ZNF415: variants seen among roughly 807,000 people sequenced by gnomAD.
ZNF415 encodes zinc finger protein 415.
A neutral mutation model predicts 7.3 loss-of-function variants in ZNF415; 5 were observed. That is an observed-to-expected ratio of 0.69 (90% CI 0.36 to 1.44). The LOEUF (loss-of-function observed/expected upper bound fraction) is 1.44. ZNF415 is among the 40% of genes most tolerant of loss of function. ZNF415 has a pLI of 0.04. For missense variants in ZNF415, 628 were observed against 664.8 expected (o/e 0.94, Z 0.61); for synonymous variants, 207 against 226.3 (o/e 0.91, Z 0.77).
chr19:53,108,167 T>C lies in ZNF415; in HGVS notation c.*210A>G, dbSNP rs1183389649. On this transcript the variant is annotated 3_prime_UTR_variant, in exon 4 of 4. Coordinates refer to ENST00000243643, the MANE Select transcript of ZNF415 (RefSeq NM_018355.4). The stretch of plus-strand genomic sequence containing the variant: ...AGGTGTATATGATTTCTCTTTAGCA[T>C]GGACTCTGATGTCAATGAATGCTTG... 5.2e-6 allele frequency: 3 copies of C among 577,248 alleles called. No individual in the cohort carries two copies. The highest frequency in any genetic ancestry group is 9.0e-6 in the Non-Finnish European group (3 of 334,950). The allele number at this position is 577,248 out of a possible 1,614,324, so 35.8% of individuals were successfully genotyped here.
At chr19:53,132,315 G>A (rs900595239) in intron 1 of ZNF415, among the ~76,000 whole-genome samples, 1 of 152,184 alleles carries the variant, frequency 6.6e-6, no homozygotes, top group Admixed American at 6.5e-5. Flanking sequence ...TCCACGGGGT[G>A]GAGGAGGGCA....
rs1292748622 is a variant in ZNF415 at position 53,108,951 on chromosome 19, A to G, written c.1094T>C (p.Phe365Ser). 1 of 1,614,144 alleles carries G rather than the reference A, an allele frequency of 6.2e-7. No homozygotes were observed. The highest frequency in any genetic ancestry group is 1.1e-5 in the South Asian group (1 of 91,068). Reference sequence around the variant, plus strand: ...AGTTGCAAGGCTTGAAGTCTGACTGAACACCTTGCCACATTCATTGCATTT... The same window carrying G: ...AGTTGCAAGGCTTGAAGTCTGACTGGACACCTTGCCACATTCATTGCATTT... The part of the protein sequence containing the change: ...PYKCNECGKV[F>S]SQTSSLATHQ... The change falls in exon 4 of 4, where the codon TTC (phenylalanine) becomes TCC (serine). Residue 365 changes from phenylalanine (F) to serine (S), a missense_variant. Transcript: ENST00000243643.
chr19:53,128,343 G>A (rs2089544976), intron 1 of ZNF415, among the ~76,000 whole-genome samples: 1 of 147,074 alleles, frequency 6.8e-6, no homozygotes, highest in Non-Finnish European at 1.5e-5. Flanking sequence ...AGATTGGCTG[G>A]ACTGAGCTGA....
chr19:53,125,181 T>C (rs1234179517), intron 1 of ZNF415, among the ~76,000 whole-genome samples: 1 of 151,742 alleles, frequency 6.6e-6, no homozygotes, highest in African/African-American at 2.4e-5. Context: ...GTAGCTGGGA[T>C]TACAGGCACA....
At chr19:53,124,675 G>A (rs2088733791) in intron 1 of ZNF415, among the ~76,000 whole-genome samples, 2 of 152,192 alleles carry the variant, frequency 1.3e-5, no homozygotes, top group South Asian at 2.1e-4. Flanking sequence ...AGCAGGAACA[G>A]ACCATTCCCA....
Position 53,109,766 on chromosome 19 carries a change from T to C in ZNF415, c.279A>G (p.Ile93Met). The change falls in exon 4 of 4, where the codon ATA (isoleucine) becomes ATG (methionine). Residue 93 changes from isoleucine to methionine, a missense_variant. Physicochemically the swap from Ile to Met is conservative, Grantham distance 10. Coordinates refer to ENST00000243643, the MANE Select transcript of ZNF415 (RefSeq NM_018355.4). ...CTCTCCACTGACAGTCAAAGTCGTG[T>C]ATTTTTTTCTTGATTTCCCTGAAGC... ...EFCFREIKKK[I>M]HDFDCQWRDD... 6.2e-7 allele frequency: 1 copy of C among 1,614,104 alleles called. No homozygotes were observed.
chr19:53,117,495 A>T (rs1187652173), intron 2 of ZNF415, among the ~76,000 whole-genome samples: 1 of 151,984 alleles, frequency 6.6e-6, no homozygotes, highest in African/African-American at 2.4e-5. Context: ...AGAGAAAAGC[A>T]TCTAGTCACT....
intron 1 of ZNF415, among the ~76,000 whole-genome samples, chr19:53,132,157 A>G (rs971110386): frequency 6.6e-6 from 1 of 151,722 alleles, no homozygotes; most frequent in Non-Finnish European, 1.5e-5. Context: ...ATCTCTAACC[A>G]TCCTCTACTT....
chr19:53,123,449 G>A (rs2088485913), intron 1 of ZNF415: 7 of 397,886 alleles, frequency 1.8e-5, no homozygotes, highest in South Asian at 1.3e-4. Context: ...AGAAGTCCCC[G>A]CTGAGAAGGT....
At chr19:53,118,077 T>C (rs2087347553) in intron 2 of ZNF415, among the ~76,000 whole-genome samples, 1 of 151,972 alleles carries the variant, frequency 6.6e-6, no homozygotes. Context: ...CATGTCAATG[T>C]AAAGACACAA....
intron 1 of ZNF415, chr19:53,123,665 C>T (rs999581724): frequency 1.3e-5 from 5 of 398,534 alleles, no homozygotes; most frequent in Non-Finnish European, 2.2e-5. Flanking sequence ...CCTGGGAGGG[C>T]AGATCAGGCA....
rs1388615361 is a variant in ZNF415 at position 53,132,880 on chromosome 19, A to G, written c.-92T>C. 6.6e-6 allele frequency: 1 copy of G among 152,162 alleles called. No homozygotes were observed. The highest frequency in any genetic ancestry group is 1.5e-5 in the Non-Finnish European group (1 of 68,084). 9.4% of individuals were successfully genotyped at this position (152,162 alleles called of 1,614,324 possible). A position where few individuals can be genotyped will look rare whatever the true frequency, so the allele number is the denominator to read the frequency against. ...CGCTCGACGCCGTCACCTTCACCCA[A>G]CGCGATCCGTTTCCGGGCCTGTAGG... On this transcript the variant is annotated 5_prime_UTR_variant, in exon 1 of 4. Coordinates refer to ENST00000243643, the MANE Select transcript of ZNF415 (RefSeq NM_018355.4).
Position 53,108,050 on chromosome 19 carries a change from T to C in ZNF415, c.*327A>G, listed in dbSNP as rs2146166720. On this transcript the variant is annotated 3_prime_UTR_variant, in exon 4 of 4. Transcript: ENST00000243643. ...TGTTACAGTTTTGATCCTTGGTTAA[T>C]AGCTTCAACATGCACAAAATATACA... The C allele has an allele frequency of 3.7e-6, 1 of 270,108 alleles. No individual in the cohort carries two copies. The highest frequency in any genetic ancestry group is 7.8e-5 in the South Asian group (1 of 12,774). The allele number at this position is 270,108 out of a possible 1,614,324, so 16.7% of individuals were successfully genotyped here.
chr19:53,124,934 A>T (rs1455407421), intron 1 of ZNF415, among the ~76,000 whole-genome samples: 1 of 152,162 alleles, frequency 6.6e-6, no homozygotes, highest in Non-Finnish European at 1.5e-5. Context: ...GGTCAGCTAC[A>T]CAGGGACAGA....
rs754268381 is a variant in ZNF415 at position 53,108,361 on chromosome 19, T to A, written c.*16A>T. 1.4e-5 allele frequency: 22 copies of A among 1,580,222 alleles called. No individual in the cohort carries two copies. The highest frequency in any genetic ancestry group is 1.9e-5 in the Non-Finnish European group (22 of 1,164,874). On this transcript the variant is annotated 3_prime_UTR_variant, in exon 4 of 4. Coordinates refer to ENST00000243643, the MANE Select transcript of ZNF415 (RefSeq NM_018355.4). ...TGACTCACAGGATTTAAACTTTGAC[T>A]GAAGACCTTGCCATATTAATTTCTT...
intron 3 of ZNF415, among the ~76,000 whole-genome samples, chr19:53,115,038 A>G (rs75976737): frequency 0.012 from 1,820 of 152,208 alleles, 32 homozygotes; most frequent in African/African-American, 0.041. Context: ...AGGTGGCATC[A>G]AGAACAGGAG....
rs1288765898 is a variant in ZNF415 at position 53,109,520 on chromosome 19, A to C, written c.525T>G (p.Val175=). 1.2e-6 allele frequency: 2 copies of C among 1,613,920 alleles called. No homozygotes were observed. The highest frequency in any genetic ancestry group is 1.7e-6 in the Non-Finnish European group (2 of 1,179,984). ...TAGAAGAAATTATTTGGGGTGGTGA[A>C]ACTGAGGAACCATGGTTGACAGACT... ...VEKSVNHGSS[V]SPPQIISSTI... is the part of the protein sequence containing the mutation. Residue 175 remains valine (V), a synonymous_variant, in exon 4 of 4, where the codon GTT becomes GTG. Transcript: ENST00000243643.
intron 1 of ZNF415, among the ~76,000 whole-genome samples, chr19:53,125,889 G>C (rs537457307): frequency 6.6e-6 from 1 of 151,950 alleles, no homozygotes; most frequent in East Asian, 1.9e-4. Context: ...AGTGAGCTAA[G>C]ATCACGCCAC....
At position 53,109,676 on chromosome 19, in the gene ZNF415, G is replaced by A. The variant is rs1273703097; in HGVS notation, c.369C>T (p.Asp123=). 1 of 1,614,006 alleles carries A rather than the reference G, an allele frequency of 6.2e-7. No individual in the cohort carries two copies. Among genetic ancestry groups the A allele is most frequent in the South Asian group, 1.1e-5 (1 of 91,052 alleles). The change falls in exon 4 of 4, where the codon GAC becomes GAT. Residue 123 remains aspartate (D), a synonymous_variant. Coordinates refer to ENST00000243643, the MANE Select transcript of ZNF415 (RefSeq NM_018355.4). ...TTCCTATACCTCTTCTATCGCGTTG[G>A]TCTCTCCTACAAGTAAGATTTTCTT... ...APKENLTCRR[D]QRDRRGIGNK... is the part of the protein sequence containing the mutation.
Sources: allele counts gnomAD v4.1 joint callset (sites outside exome capture counted in the v4.1 genomes callset), GRCh38; gene constraint gnomAD v4.1.1; transcripts MANE v1.5; gene names NCBI Gene and HGNC (gene_info 2026-07-23, HGNC 2026-07-21).